RABGAP1L: variants seen among roughly 807,000 people sequenced by gnomAD.
The protein encoded by RABGAP1L is rab GTPase-activating protein 1-like.
RABGAP1L carries 63 observed loss-of-function variants against 137.7 expected under a neutral mutation model. That is an observed-to-expected ratio of 0.46 (90% CI 0.37 to 0.56). The LOEUF (loss-of-function observed/expected upper bound fraction) is 0.56, where lower values mean the gene tolerates loss of function less well. Among genes scored for constraint, RABGAP1L ranks in the 20% least tolerant of loss-of-function variants. The probability of loss-of-function intolerance (pLI) is 0.00; values close to 1 mark genes in which losing one functional copy is unlikely to be tolerated. For missense variants in RABGAP1L, 1,095 were observed against 1,244.0 expected, an observed-to-expected ratio of 0.88 and a Z score of 1.80; for synonymous variants, 431 against 433.7, an observed-to-expected ratio of 0.99 and a Z score of 0.08.
intron 13 of RABGAP1L, among the ~76,000 whole-genome samples, chr1:174,404,907 G>T (rs910126501): frequency 6.6e-6 from 1 of 152,118 alleles, no homozygotes; most frequent in African/African-American, 2.4e-5. Context: ...TTAAGATTCT[G>T]AAAATTCTCT....
At chr1:174,163,420 A>G (rs866527145) in intron 1 of RABGAP1L, among the ~76,000 whole-genome samples, 3 of 152,166 alleles carry the variant, frequency 2.0e-5, no homozygotes, top group Non-Finnish European at 4.4e-5. Context: ...TGCGCATGCT[A>G]ACTCTTTTTT....
intron 19 of RABGAP1L, among the ~76,000 whole-genome samples, chr1:174,923,108 T>C (rs1269915829): frequency 6.7e-6 from 1 of 149,786 alleles, no homozygotes; most frequent in East Asian, 2.0e-4. Flanking sequence ...GACACATCAC[T>C]GTACTCCAGA....
intron 19 of RABGAP1L, among the ~76,000 whole-genome samples, chr1:174,879,678 A>G (rs1226471822): frequency 6.6e-6 from 1 of 152,234 alleles, no homozygotes; most frequent in Non-Finnish European, 1.5e-5. Flanking sequence ...ATAGTGATTC[A>G]TTATATTCTC....
At chr1:174,837,795 A>G (rs1453655639) in intron 19 of RABGAP1L, among the ~76,000 whole-genome samples, 3 of 152,224 alleles carry the variant, frequency 2.0e-5, no homozygotes, top group Non-Finnish European at 4.4e-5. Flanking sequence ...CCCATTTTAT[A>G]TGATGATAAT....
chr1:174,386,145 A>T (rs1280468835), intron 12 of RABGAP1L, among the ~76,000 whole-genome samples: 1 of 152,192 alleles, frequency 6.6e-6, no homozygotes, highest in African/African-American at 2.4e-5. Context: ...TAACGGAAGG[A>T]AAGGTGAGGC....
At chr1:174,163,645 T>C (rs1189109021) in intron 1 of RABGAP1L, among the ~76,000 whole-genome samples, 1 of 151,952 alleles carries the variant, frequency 6.6e-6, no homozygotes, top group Non-Finnish European at 1.5e-5. Flanking sequence ...AACACAATTC[T>C]TTATAAATAC....
chr1:174,536,066 C>T (rs1374933157), intron 13 of RABGAP1L, among the ~76,000 whole-genome samples: 1 of 152,028 alleles, frequency 6.6e-6, no homozygotes, highest in East Asian at 1.9e-4. Context: ...TGTAGGAAAT[C>T]TTGTCCTTAT....
At chr1:174,399,136 A>T (rs1648240113) in intron 13 of RABGAP1L, among the ~76,000 whole-genome samples, 1 of 152,156 alleles carries the variant, frequency 6.6e-6, no homozygotes, top group Admixed American at 6.6e-5. Context: ...CTTTGACATA[A>T]AGTACAGTGG....
intron 19 of RABGAP1L, among the ~76,000 whole-genome samples, chr1:174,817,854 T>C (rs984315561): frequency 6.6e-6 from 1 of 152,090 alleles, no homozygotes; most frequent in African/African-American, 2.4e-5. Context: ...ATTCAAGACA[T>C]AAAATTAACA....
chr1:174,969,896 G>A (rs1438615301), intron 21 of RABGAP1L, among the ~76,000 whole-genome samples: 1 of 152,156 alleles, frequency 6.6e-6, no homozygotes, highest in African/African-American at 2.4e-5. Context: ...ACCCTGGACA[G>A]TTCTTAAGCT....
At position 174,874,603 on chromosome 1, in the gene RABGAP1L, T is replaced by TC. The variant is rs1280127822; in HGVS notation, c.2340+62645dup. On this transcript the variant is annotated intron_variant, in intron 19 of 25. Transcript: ENST00000681986. ...CTTTTTTTTTTTTTTTTTTTTTTTT[T>TC]CCAATGCAGTTGCGTGGTGTGAAGG... 5.9e-5 allele frequency: 22 copies of TC among 372,564 alleles called. 1 individual carries two copies. The African/African-American group carries it at 7.0e-4, about 12-fold the overall frequency. 23.1% of individuals were successfully genotyped at this position (372,564 alleles called of 1,614,324 possible). A position where few individuals can be genotyped will look rare whatever the true frequency, so the allele number is the denominator to read the frequency against.
chr1:174,272,143 T>C (rs1674606839), intron 7 of RABGAP1L, among the ~76,000 whole-genome samples: 1 of 152,040 alleles, frequency 6.6e-6, no homozygotes, highest in Non-Finnish European at 1.5e-5. Flanking sequence ...ATATTTTCTT[T>C]CAATTAACAA....
chr1:174,899,568 T>C (rs1657799608), intron 19 of RABGAP1L, among the ~76,000 whole-genome samples: 1 of 152,160 alleles, frequency 6.6e-6, no homozygotes, highest in African/African-American at 2.4e-5. Context: ...ATCCCTAATG[T>C]GAGTTTATGC....
At chr1:174,789,487 G>T (rs1041283473) in intron 18 of RABGAP1L, among the ~76,000 whole-genome samples, 1 of 151,994 alleles carries the variant, frequency 6.6e-6, no homozygotes, top group Non-Finnish European at 1.5e-5. Flanking sequence ...TTATGAAATT[G>T]ATATAAAATA....
intron 18 of RABGAP1L, chr1:174,800,620 C>T (rs559799228): frequency 5.4e-5 from 77 of 1,413,638 alleles, no homozygotes; most frequent in Non-Finnish European, 6.7e-5. Context: ...CCCATTCTGC[C>T]GAGAAGGAAA....
intron 19 of RABGAP1L, among the ~76,000 whole-genome samples, chr1:174,885,965 T>C (rs1489994049): frequency 1.3e-5 from 2 of 148,374 alleles, no homozygotes; most frequent in Non-Finnish European, 3.0e-5. Flanking sequence ...GGACTCCATC[T>C]CAAAAAAAAT....
chr1:174,409,817 C>T (rs1649704001), intron 13 of RABGAP1L, among the ~76,000 whole-genome samples: 1 of 152,166 alleles, frequency 6.6e-6, no homozygotes, highest in Non-Finnish European at 1.5e-5. Flanking sequence ...GGAAACCCCA[C>T]CCTGGTAAAT....
At chr1:174,478,097 T>C (rs977013889) in intron 13 of RABGAP1L, among the ~76,000 whole-genome samples, 3 of 152,144 alleles carry the variant, frequency 2.0e-5, no homozygotes, top group Non-Finnish European at 1.5e-5. Context: ...ATAATATTTA[T>C]CTAGTATATG....
intron 11 of RABGAP1L, among the ~76,000 whole-genome samples, chr1:174,338,833 A>G (rs1287064322): frequency 6.6e-6 from 1 of 152,124 alleles, no homozygotes. Context: ...AGGTTGTCAA[A>G]TTAGGACTCC....
Sources: allele counts gnomAD v4.1 joint callset (sites outside exome capture counted in the v4.1 genomes callset), GRCh38; gene constraint gnomAD v4.1.1; transcripts MANE v1.5; gene names NCBI Gene and HGNC (gene_info 2026-07-23, HGNC 2026-07-21).